Variants in FGD4 observed in about 807,000 individuals in gnomAD.
The protein encoded by FGD4 is FYVE, RhoGEF and PH domain containing 4, also known as FYVE, RhoGEF and PH domain-containing protein 4.
A neutral mutation model predicts 102.0 loss-of-function variants in FGD4; 42 were observed. That is an observed-to-expected ratio of 0.41 (90% CI 0.32 to 0.53). FGD4 has a LOEUF of 0.53. Among genes scored for constraint, FGD4 ranks in the 20% least tolerant of loss-of-function variants. FGD4 has a pLI of 0.21. For synonymous variants in FGD4, 380 were observed against 375.7 expected (o/e 1.01, Z -0.13); for missense variants, 902 against 1,078.2 (o/e 0.84, Z 2.29).
At chr12:32,557,304 TTC>T (rs1388683155) in intron 1 of FGD4, among the ~76,000 whole-genome samples, 1 of 152,226 alleles carries the variant, frequency 6.6e-6, no homozygotes, top group Non-Finnish European at 1.5e-5. Context: ...TTCTCATTCA[TTC>T]TCTCACCTCA....
chr12:32,425,010 A>T (rs187026096), intron 1 of FGD4, among the ~76,000 whole-genome samples: 33 of 152,318 alleles, frequency 2.2e-4, no homozygotes, highest in Non-Finnish European at 3.7e-4. Flanking sequence ...ATTTTCTCCC[A>T]TTCTGTAGGT....
At chr12:32,417,389 G>T (rs1434759484) in intron 1 of FGD4, among the ~76,000 whole-genome samples, 5 of 151,930 alleles carry the variant, frequency 3.3e-5, no homozygotes, top group African/African-American at 1.2e-4. Flanking sequence ...TGTCATGCCT[G>T]TAAGGTCTCC....
chr12:32,558,576 A>G (rs1446254566), intron 1 of FGD4, among the ~76,000 whole-genome samples: 3 of 152,266 alleles, frequency 2.0e-5, no homozygotes, highest in East Asian at 1.9e-4. Context: ...CAATAATTCA[A>G]GAATGATTTG....
intron 1 of FGD4, among the ~76,000 whole-genome samples, chr12:32,516,923 A>G (rs1395621838): frequency 6.6e-6 from 1 of 152,242 alleles, no homozygotes; most frequent in Non-Finnish European, 1.5e-5. Flanking sequence ...AAGACATAAT[A>G]TTAGGAATAT....
intron 2 of FGD4, among the ~76,000 whole-genome samples, chr12:32,570,009 G>A (rs369970088): frequency 2.6e-5 from 4 of 152,094 alleles, no homozygotes; most frequent in African/African-American, 4.8e-5. Context: ...TTGGGAGGCC[G>A]AGGTGGGCGG....
intron 1 of FGD4, among the ~76,000 whole-genome samples, chr12:32,492,907 C>T (rs1944160722): frequency 6.6e-6 from 1 of 152,172 alleles, no homozygotes; most frequent in African/African-American, 2.4e-5. Context: ...GCTGCCCGCA[C>T]CTTGGACAGC....
chr12:32,631,716 G>A (rs1314721770), intron 14 of FGD4, among the ~76,000 whole-genome samples: 1 of 151,958 alleles, frequency 6.6e-6, no homozygotes, highest in African/African-American at 2.4e-5. Context: ...ATGCTGGCCA[G>A]GCTGGTCTTG....
chr12:32,403,089 C>G (rs1940759189), intron 1 of FGD4, among the ~76,000 whole-genome samples: 1 of 151,658 alleles, frequency 6.6e-6, no homozygotes, highest in Non-Finnish European at 1.5e-5. Flanking sequence ...ACAAAGTAGG[C>G]ATTACTCAAT....
intron 2 of FGD4, among the ~76,000 whole-genome samples, chr12:32,575,763 C>T (rs527289258): frequency 8.5e-5 from 13 of 152,282 alleles, no homozygotes; most frequent in African/African-American, 2.9e-4. Context: ...GAAGAAGATG[C>T]TATATTAATG....
chr12:32,452,883 G>A (rs115463190), intron 1 of FGD4, among the ~76,000 whole-genome samples: 1,823 of 152,012 alleles, frequency 0.012, 49 homozygotes, highest in African/African-American at 0.042. Context: ...CAGTTACTCA[G>A]CAGGCTGAGG....
intron 1 of FGD4, among the ~76,000 whole-genome samples, chr12:32,455,902 G>A (rs1942934347): frequency 6.6e-6 from 1 of 152,058 alleles, no homozygotes; most frequent in Non-Finnish European, 1.5e-5. Flanking sequence ...TTTTCTTTGT[G>A]AATACTTAAA....
intron 2 of FGD4, among the ~76,000 whole-genome samples, chr12:32,566,643 A>G (rs948330874): frequency 1.3e-5 from 2 of 152,120 alleles, no homozygotes; most frequent in African/African-American, 2.4e-5. Flanking sequence ...GAGCTGCCAC[A>G]TAGATTGGTC....
intron 1 of FGD4, among the ~76,000 whole-genome samples, chr12:32,562,183 G>A (rs1383943795): frequency 2.6e-5 from 4 of 152,056 alleles, no homozygotes; most frequent in East Asian, 1.9e-4. Context: ...CCTTTCCTTC[G>A]CCTACATTGT....
intron 1 of FGD4, among the ~76,000 whole-genome samples, chr12:32,562,203 G>A (rs1029433783): frequency 6.6e-5 from 10 of 152,148 alleles, no homozygotes; most frequent in East Asian, 1.9e-4. Context: ...TAGCAGCTGC[G>A]TTCTGCCCTT....
chr12:32,523,876 G>A (rs1193244621), intron 1 of FGD4, among the ~76,000 whole-genome samples: 1 of 152,084 alleles, frequency 6.6e-6, no homozygotes, highest in Non-Finnish European at 1.5e-5. Context: ...TGTTCTGGAG[G>A]CTGAGGCAGG....
At chr12:32,534,937 C>A (rs544020738) in intron 1 of FGD4, among the ~76,000 whole-genome samples, 1 of 152,274 alleles carries the variant, frequency 6.6e-6, no homozygotes, top group Non-Finnish European at 1.5e-5. Flanking sequence ...TCCCACCATC[C>A]CAGTCTTGTT....
chr12:32,624,488 T>TC, intron 12 of FGD4, 36 bp downstream of exon 12: 1 of 1,551,740 alleles, frequency 6.4e-7, no homozygotes, highest in Admixed American at 1.8e-5. Context: ...CTTTCTTTTT[T>TC]TTTTTGAGGC....
intron 1 of FGD4, among the ~76,000 whole-genome samples, 180 bp downstream of exon 1, chr12:32,400,139 C>G (rs1343760059): frequency 6.6e-6 from 1 of 152,252 alleles, no homozygotes; most frequent in Non-Finnish European, 1.5e-5. Context: ...GTCCCTTCCC[C>G]CAGAGGACCT....
chr12:32,613,709 G>C (rs1447001359), intron 10 of FGD4, among the ~76,000 whole-genome samples: 1 of 152,062 alleles, frequency 6.6e-6, no homozygotes, highest in African/African-American at 2.4e-5. Context: ...GAGTTCCAAG[G>C]CTGCACTGAG....
Sources: gnomAD v4.1 joint callset for allele counts (sites outside exome capture counted in the v4.1 genomes callset) on GRCh38, gnomAD v4.1.1 for gene constraint, MANE v1.5 for transcripts, NCBI Gene and HGNC (gene_info 2026-07-23, HGNC 2026-07-21) for gene names.